Variants in IFT122 observed in about 807,000 individuals in gnomAD.
IFT122 encodes intraflagellar transport protein 122 homolog.
A neutral mutation model predicts 161.6 loss-of-function variants in IFT122; 118 were observed. The observed-to-expected ratio is 0.73, with a 90% confidence interval of 0.63 to 0.85. IFT122 has a LOEUF of 0.85. Among genes scored for constraint, IFT122 ranks in the 40% least tolerant of loss-of-function variants. The pLI, the probability that IFT122 is intolerant of heterozygous loss-of-function variation, is 0.00. For missense variants in IFT122, 1,381 were observed against 1,579.6 expected, an observed-to-expected ratio of 0.87 and a Z score of 2.13; for synonymous variants, 550 against 602.4, an observed-to-expected ratio of 0.91 and a Z score of 1.27.
At chr3:129,519,005 C>T (rs753553299) in intron 27 of IFT122, 102 bp from the exon 28 acceptor site, 6 of 992,648 alleles carry the variant, frequency 6.0e-6, no homozygotes, top group Non-Finnish European at 8.1e-6. Context: ...AACTCTTCCA[C>T]TGGTCTGGCT....
intron 9 of IFT122, among the ~76,000 whole-genome samples, chr3:129,475,164 C>G (rs539964451): frequency 6.6e-6 from 1 of 152,044 alleles, no homozygotes; most frequent in African/African-American, 2.4e-5. Flanking sequence ...TCTCTGTGGC[C>G]AATAAGCACA....
intron 1 of IFT122, among the ~76,000 whole-genome samples, chr3:129,442,080 A>T (rs189621493): frequency 1.1e-3 from 162 of 152,132 alleles, no homozygotes; most frequent in South Asian, 5.6e-3. Flanking sequence ...TAATTTTTAA[A>T]TGTTAGCATC....
chr3:129,497,778 C>A (rs187172945), intron 18 of IFT122, among the ~76,000 whole-genome samples: 80 of 152,302 alleles, frequency 5.3e-4, no homozygotes, highest in African/African-American at 1.8e-3. Flanking sequence ...AAATATGTAC[C>A]TACACATTAT....
At chr3:129,467,259 C>G (rs964513510) in intron 8 of IFT122, among the ~76,000 whole-genome samples, 193 bp downstream of exon 8, 1 of 152,150 alleles carries the variant, frequency 6.6e-6, no homozygotes, top group Non-Finnish European at 1.5e-5. Flanking sequence ...CTGTGAGAAA[C>G]TATAGGAAAT....
intron 16 of IFT122, 48 bp downstream of exon 16, chr3:129,488,445 C>T (rs774228594): frequency 3.8e-5 from 62 of 1,612,982 alleles, no homozygotes; most frequent in Non-Finnish European, 5.0e-5. Context: ...TGTGGGGTCC[C>T]TTAAGAAGGC....
In IFT122 at chr3:129,499,223, C is replaced by G. The variant is rs1368793078; in HGVS notation, c.2209-679C>G. Among the ~76,000 whole-genome samples the G allele has an allele frequency of 2.0e-5, 3 of 152,232 alleles. No individual in the cohort carries two copies. In the East Asian group the frequency reaches 5.8e-4, roughly 29 times the overall value. ...CCCTAACCATTCAGCTGAGAAGCAACTAACCAGAGAGATGTTTGCTTGTTA... is the reference window on the plus strand; with the variant it reads ...CCCTAACCATTCAGCTGAGAAGCAAGTAACCAGAGAGATGTTTGCTTGTTA... On this transcript the variant is annotated intron_variant, in intron 18 of 29. Coordinates refer to ENST00000348417, the MANE Select transcript of IFT122 (RefSeq NM_052989.3).
At chr3:129,462,731 G>T (rs1396287887) in intron 5 of IFT122, among the ~76,000 whole-genome samples, 1 of 152,220 alleles carries the variant, frequency 6.6e-6, no homozygotes, top group African/African-American at 2.4e-5. Flanking sequence ...CTTCTTGATT[G>T]TACTTCGCAA....
intron 18 of IFT122, among the ~76,000 whole-genome samples, chr3:129,497,787 A>T (rs1461611550): frequency 2.0e-5 from 3 of 152,146 alleles, no homozygotes; most frequent in Non-Finnish European, 4.4e-5. Context: ...CCTACACATT[A>T]TGTGGGGGGT....
intron 24 of IFT122, chr3:129,513,379 A>G (rs930388712): frequency 5.2e-5 from 8 of 152,392 alleles, no homozygotes; most frequent in African/African-American, 1.7e-4. Context: ...GAAGACCCAG[A>G]GCTCCTTGTT....
intron 12 of IFT122, among the ~76,000 whole-genome samples, chr3:129,479,056 G>A (rs1358882509): frequency 2.0e-5 from 3 of 152,062 alleles, no homozygotes. Context: ...ACATAGTTCT[G>A]TTGGAGGTGA....
At chr3:129,453,654 T>A (rs79648507) in intron 3 of IFT122, among the ~76,000 whole-genome samples, 1 of 152,248 alleles carries the variant, frequency 6.6e-6, no homozygotes, top group South Asian at 2.1e-4. Flanking sequence ...ATTATGTACA[T>A]TAACCTTGAA....
chr3:129,441,452 C>T (rs994183848), intron 1 of IFT122, among the ~76,000 whole-genome samples: 1 of 152,120 alleles, frequency 6.6e-6, no homozygotes, highest in Non-Finnish European at 1.5e-5. Flanking sequence ...TCACCACTCT[C>T]TAAGGTAGGT....
chr3:129,447,576 A>T (rs2074171215), intron 1 of IFT122, among the ~76,000 whole-genome samples: 1 of 152,086 alleles, frequency 6.6e-6, no homozygotes, highest in Non-Finnish European at 1.5e-5. Flanking sequence ...GCAGTGGTGC[A>T]ATCTCGGCTC....
Position 129,515,084 on chromosome 3 carries a change from T to C in IFT122, c.3154-404T>C, listed in dbSNP as rs559154036. 9 of 388,660 alleles carry C rather than the reference T, an allele frequency of 2.3e-5. No homozygotes were observed. In the Admixed American group the frequency reaches 3.4e-4, roughly 15 times the overall value. The allele number at this position is 388,660 out of a possible 1,614,324, so 24.1% of individuals were successfully genotyped here. On this transcript the variant is annotated intron_variant, in intron 25 of 29. Coordinates refer to ENST00000348417, the MANE Select transcript of IFT122 (RefSeq NM_052989.3). Reference sequence around the variant, plus strand: ...GGCTCCACCCTCTCCTAGCTCTGTCTCCATCTTTCTGCACCTTGGGTTCCC... The same window carrying C: ...GGCTCCACCCTCTCCTAGCTCTGTCCCCATCTTTCTGCACCTTGGGTTCCC...
rs3138329 is a variant in IFT122 at position 129,441,000 on chromosome 3, T to A, written c.41+629T>A. 4.1e-3 allele frequency among the ~76,000 whole-genome samples: 628 copies of A among 152,268 alleles called. 5 individuals carry two copies. The highest frequency in any genetic ancestry group is 0.015 in the African/African-American group (611 of 41,546). On this transcript the variant is annotated intron_variant, in intron 1 of 29. Coordinates refer to ENST00000348417, the MANE Select transcript of IFT122 (RefSeq NM_052989.3). ...AGATGGGCAGGTATGATCAGAAAGG[T>A]GCTCAAAATGAGCACCAAACACAAG... is the stretch of plus-strand genomic sequence containing the variant.
intron 23 of IFT122, among the ~76,000 whole-genome samples, chr3:129,511,109 C>G (rs889820602): frequency 1.3e-5 from 2 of 152,196 alleles, no homozygotes; most frequent in African/African-American, 4.8e-5. Context: ...CAGAGCAGCA[C>G]TGATTCAGGG....
rs529302653 is a variant in IFT122 at position 129,453,119 on chromosome 3, G to A, written c.193+1121G>A. ...GAATTTGAGAAAAGTTGATGATGTC[G>A]GAGAGGGGAGAGAACTGCTGGAACA... On this transcript the variant is annotated intron_variant, in intron 3 of 29. Coordinates refer to ENST00000348417, the MANE Select transcript of IFT122 (RefSeq NM_052989.3). Among the ~76,000 whole-genome samples, 6 of 152,236 alleles carry A rather than the reference G, an allele frequency of 3.9e-5. No individual in the cohort carries two copies. In the East Asian group the frequency reaches 5.8e-4, roughly 15 times the overall value.
intron 16 of IFT122, among the ~76,000 whole-genome samples, chr3:129,489,869 G>GGGA (rs1216029294): frequency 6.6e-6 from 1 of 151,168 alleles, no homozygotes; most frequent in Non-Finnish European, 1.5e-5. Flanking sequence ...ATTCAGAGGA[G>GGGA]GGAGGAGGCA....
In IFT122 at chr3:129,507,697, A is replaced by C. The variant is rs770135337; in HGVS notation, c.2821A>C (p.Lys941Gln). ...DPAQKDTMLG[K>Q]FYHFQRLAEL... ...TGCCCAGAAGGACACAATGCTTGGC[A>C]AGTTCTACCACTTCCAGCGTTTGGC... The change falls in exon 23 of 30, where the codon AAG becomes CAG. Residue 941 changes from lysine (K) to glutamine (Q), a missense_variant. Around this residue, in one of 7 missense-constraint regions of IFT122, gnomAD observed 496 missense variants for 502.5 expected, o/e 0.99. Transcript: ENST00000348417. 3.7e-6 allele frequency: 6 copies of C among 1,614,144 alleles called. No individual in the cohort carries two copies. The East Asian group carries it at 1.3e-4, about 36-fold the overall frequency.
Sources: allele counts gnomAD v4.1 joint callset (sites outside exome capture counted in the v4.1 genomes callset), GRCh38; gene constraint gnomAD v4.1.1; regional missense constraint gnomAD v4.1.1; transcripts MANE v1.5; gene names NCBI Gene and HGNC (gene_info 2026-07-23, HGNC 2026-07-21).